Variants in NRXN1 observed in about 807,000 individuals in gnomAD.
NRXN1 encodes the protein neurexin 1.
NRXN1 carries 39 observed loss-of-function variants against 150.9 expected under a neutral mutation model. The ratio of observed to expected loss-of-function variants is 0.26; its 90% CI spans 0.20 to 0.34. The LOEUF (loss-of-function observed/expected upper bound fraction) is 0.34, where lower values mean the gene tolerates loss of function less well. Ranked by LOEUF, NRXN1 falls within the 10% of genes least tolerant of loss-of-function variation. NRXN1 has a pLI of 1.00. For missense variants in NRXN1, 1,815 were observed against 1,949.9 expected (o/e 0.93, Z 1.30); for synonymous variants, 924 against 757.0 (o/e 1.22, Z -3.62).
At chr2:50,779,788 T>TAAAAC (rs566857759) in intron 5 of NRXN1, among the ~76,000 whole-genome samples, 7 of 148,954 alleles carry the variant, frequency 4.7e-5, no homozygotes, top group African/African-American at 1.3e-4. Flanking sequence ...TAAAATAAAA[T>TAAAAC]AAAACAAAAC....
intron 2 of NRXN1, among the ~76,000 whole-genome samples, chr2:51,014,908 G>A (rs975747260): frequency 3.3e-5 from 5 of 152,016 alleles, no homozygotes; most frequent in Admixed American, 6.6e-5. Flanking sequence ...TCAGTTGGCA[G>A]GAAAAATTCC....
At chr2:50,291,612 A>T (rs2072935408) in intron 17 of NRXN1, among the ~76,000 whole-genome samples, 1 of 152,134 alleles carries the variant, frequency 6.6e-6, no homozygotes, top group South Asian at 2.1e-4. Context: ...AAACAATTTA[A>T]CGAAGCCCGA....
chr2:49,955,819 A>G (rs1674836162), intron 21 of NRXN1, among the ~76,000 whole-genome samples: 2 of 152,172 alleles, frequency 1.3e-5, no homozygotes, highest in African/African-American at 2.4e-5. Context: ...TCACACCAAG[A>G]AATAGTGTAA....
rs546241188 is a variant in NRXN1 at position 50,645,332 on chromosome 2, C to T, written c.833-21717G>A. ...AGCTACATTAAAAGTTTTTCTAAAT[C>T]TTCATTTCTAAGAAAAAATAAATAA... On this transcript the variant is annotated intron_variant, in intron 5 of 22. Coordinates refer to ENST00000401669, the MANE Select transcript of NRXN1 (RefSeq NM_001330078.2). Among the ~76,000 whole-genome samples the T allele has an allele frequency of 3.2e-3, 491 of 151,918 alleles. 7 individuals are homozygous for T. Among genetic ancestry groups the T allele is most frequent in the African/African-American group, 0.012 (481 of 41,480 alleles).
intron 5 of NRXN1, among the ~76,000 whole-genome samples, chr2:50,749,402 G>T (rs1344170931): frequency 2.6e-5 from 4 of 152,016 alleles, no homozygotes; most frequent in South Asian, 2.1e-4. Context: ...AAAGGGATTA[G>T]AACTTGCTCC....
intron 17 of NRXN1, among the ~76,000 whole-genome samples, chr2:50,417,552 G>A (rs565698813): frequency 1.3e-5 from 2 of 151,700 alleles, no homozygotes; most frequent in African/African-American, 4.8e-5. Context: ...TTGGTAGTAG[G>A]GATTTGCACT....
At chr2:50,539,394 C>T (rs1191924524) in intron 9 of NRXN1, among the ~76,000 whole-genome samples, 3 of 152,236 alleles carry the variant, frequency 2.0e-5, no homozygotes, top group East Asian at 3.9e-4. Context: ...CTTTTTCTCA[C>T]TCCAAATGTT....
rs116005379 is a variant in NRXN1, at chr2:50,845,983, T to C, written c.832+75886A>G. ...CAACTGCTAATAGCACATTTCAGTA[T>C]TGCTGACTGGCTTTAGAGATTACTG... is the stretch of plus-strand genomic sequence containing the variant. On this transcript the variant is annotated intron_variant, in intron 5 of 22. Coordinates refer to ENST00000401669, the MANE Select transcript of NRXN1 (RefSeq NM_001330078.2). Among the ~76,000 whole-genome samples, 1,514 of 152,334 alleles carry C rather than the reference T, an allele frequency of 9.9e-3. 17 individuals carry two copies. The highest frequency in any genetic ancestry group is 0.035 in the African/African-American group (1,437 of 41,574).
chr2:50,201,383 T>C (rs889071040), intron 18 of NRXN1, among the ~76,000 whole-genome samples: 4 of 152,068 alleles, frequency 2.6e-5, no homozygotes, highest in Non-Finnish European at 4.4e-5. Context: ...ATAGGGACAA[T>C]AGTATGGTTA....
At chr2:50,470,322 TG>T (rs2089336183) in intron 16 of NRXN1, among the ~76,000 whole-genome samples, 1 of 151,574 alleles carries the variant, frequency 6.6e-6, no homozygotes, top group Non-Finnish European at 1.5e-5. Flanking sequence ...TAAAATTAAC[TG>T]AAAGGGAAAA....
intron 8 of NRXN1, among the ~76,000 whole-genome samples, chr2:50,579,563 C>A (rs946754944): frequency 9.2e-5 from 14 of 152,140 alleles, no homozygotes; most frequent in Admixed American, 2.0e-4. Flanking sequence ...GTGGGAGGAT[C>A]GCTTAACTCT....
intron 17 of NRXN1, among the ~76,000 whole-genome samples, chr2:50,295,909 C>G (rs1438929247): frequency 6.6e-6 from 1 of 152,196 alleles, no homozygotes; most frequent in Non-Finnish European, 1.5e-5. Context: ...AAAGCTTCAC[C>G]AGTTTATTAC....
intron 17 of NRXN1, among the ~76,000 whole-genome samples, chr2:50,359,419 C>T (rs938904884): frequency 6.6e-6 from 1 of 151,232 alleles, no homozygotes; most frequent in African/African-American, 2.4e-5. Context: ...CATAAATGAC[C>T]TGATGGAGCT....
At chr2:50,038,111 A>G (rs1460544553) in intron 21 of NRXN1, among the ~76,000 whole-genome samples, 1 of 152,236 alleles carries the variant, frequency 6.6e-6, no homozygotes, top group African/African-American at 2.4e-5. Context: ...ATAAAGAAAC[A>G]GTGAGAGCGA....
intron 18 of NRXN1, among the ~76,000 whole-genome samples, chr2:50,100,420 A>T (rs1045263555): frequency 5.3e-5 from 8 of 152,080 alleles, no homozygotes; most frequent in Non-Finnish European, 1.2e-4. Context: ...TTAAATAAAA[A>T]ATCAAAACAA....
intron 5 of NRXN1, among the ~76,000 whole-genome samples, chr2:50,871,400 A>G (rs1677761310): frequency 6.6e-6 from 1 of 151,878 alleles, no homozygotes. Flanking sequence ...CTTTCAATTT[A>G]TTCAGATAAG....
chr2:51,026,325 T>C (rs1443283952), intron 2 of NRXN1: 3 of 1,233,612 alleles, frequency 2.4e-6, no homozygotes, highest in South Asian at 1.3e-5. Context: ...AATCCTGACA[T>C]CTCCTACTTA....
chr2:50,640,509 A>G (rs1683921087), intron 5 of NRXN1, among the ~76,000 whole-genome samples: 1 of 152,146 alleles, frequency 6.6e-6, no homozygotes, highest in South Asian at 2.1e-4. Flanking sequence ...TTCCCAATTA[A>G]TATATGCTTA....
At chr2:50,449,226 C>T (rs764753482) in intron 17 of NRXN1, among the ~76,000 whole-genome samples, 12 of 152,182 alleles carry the variant, frequency 7.9e-5, no homozygotes, top group Admixed American at 6.6e-5. Flanking sequence ...CCTGCTAAAC[C>T]AGTGGAGATT....
Sources: allele counts gnomAD v4.1 joint callset (sites outside exome capture counted in the v4.1 genomes callset), GRCh38; gene constraint gnomAD v4.1.1; transcripts MANE v1.5; gene names NCBI Gene and HGNC (gene_info 2026-07-23, HGNC 2026-07-21).